The following MRPS5 variants were observed in gnomAD, a reference collection of about 807,000 sequenced individuals.
The protein encoded by MRPS5 is small ribosomal subunit protein uS5m.
A neutral mutation model predicts 51.9 loss-of-function variants in MRPS5; 27 were observed. The observed-to-expected ratio is 0.52, with a 90% CI of 0.38 to 0.72. The LOEUF (loss-of-function observed/expected upper bound fraction) is 0.72. Ranked by LOEUF, MRPS5 falls within the 30% of genes least tolerant of loss-of-function variation. The probability of loss-of-function intolerance (pLI) is 0.00; values close to 1 mark genes in which losing one functional copy is unlikely to be tolerated. For missense variants in MRPS5, 570 were observed against 545.7 expected (o/e 1.04, Z -0.44); for synonymous variants, 196 against 193.2 (o/e 1.01, Z -0.12).
At chr2:95,095,773 C>T (rs1219188995) in intron 10 of MRPS5, among the ~76,000 whole-genome samples, 1 of 152,024 alleles carries the variant, frequency 6.6e-6, no homozygotes, top group Non-Finnish European at 1.5e-5. Context: ...AAAATCGACA[C>T]CCTAACATCA....
chr2:95,088,832 G>C (rs1318967041), intron 11 of MRPS5, among the ~76,000 whole-genome samples: 1 of 152,232 alleles, frequency 6.6e-6, no homozygotes, highest in Non-Finnish European at 1.5e-5. Flanking sequence ...ACTTTGGGAG[G>C]CCAAGGCGGG....
chr2:95,115,454 T>C (rs1676258495), intron 2 of MRPS5, among the ~76,000 whole-genome samples: 1 of 152,170 alleles, frequency 6.6e-6, no homozygotes, highest in Non-Finnish European at 1.5e-5. Flanking sequence ...AGCAGATTTG[T>C]CCATACCGCA....
At chr2:95,089,909 G>A (rs1675408025) in intron 11 of MRPS5, among the ~76,000 whole-genome samples, 1 of 152,122 alleles carries the variant, frequency 6.6e-6, no homozygotes, top group African/African-American at 2.4e-5. Context: ...CGGGCGCGGT[G>A]GCTCACACCT....
intron 9 of MRPS5, 25 bp from the exon 10 acceptor site, chr2:95,100,561 A>C: frequency 6.5e-7 from 1 of 1,549,518 alleles, no homozygotes; most frequent in Non-Finnish European, 8.9e-7. Context: ...CATAAACACA[A>C]GAGGATTAGG....
rs139090433 is a variant in MRPS5 at position 95,100,732 on chromosome 2, G to C, written c.868+105C>G. ...TCACACTTCATATATTTGTAAGAAT[G>C]TAATAAGAGAGAAACACAAAGATAC... On this transcript the variant is annotated intron_variant, in intron 9 of 11. Transcript: ENST00000272418. 764 of 957,214 alleles carry C rather than the reference G, an allele frequency of 8.0e-4. 2 individuals carry two copies. The African/African-American group carries it at 9.5e-3, about 12-fold the overall frequency. The allele number at this position is 957,214 out of a possible 1,614,324, so 59.3% of individuals were successfully genotyped here.
At position 95,087,676 on chromosome 2, in the gene MRPS5, G is replaced by A; in HGVS notation, c.1069-95C>T. 14 of 992,384 alleles carry A rather than the reference G, an allele frequency of 1.4e-5. No individual in the cohort carries two copies. The Middle Eastern group carries it at 1.3e-3, about 90-fold the overall frequency. 61.5% of individuals were successfully genotyped at this position (992,384 alleles called of 1,614,324 possible). ...ACAGGCCACAACAGTACAGCCTGGGGGTATTCAAAGGCCATTTCAGTGGAT... is the reference window on the plus strand; with the variant it reads ...ACAGGCCACAACAGTACAGCCTGGGAGTATTCAAAGGCCATTTCAGTGGAT... On this transcript the variant is annotated intron_variant, in intron 11 of 11. Transcript: ENST00000272418.
intron 7 of MRPS5, 97 bp downstream of exon 7, chr2:95,104,543 C>T (rs764558452): frequency 8.4e-6 from 11 of 1,313,066 alleles, no homozygotes; most frequent in African/African-American, 5.8e-5. Flanking sequence ...GGAAAAAGTC[C>T]GGCCAGCAGC....
intron 4 of MRPS5, 94 bp downstream of exon 4, chr2:95,109,819 TAAG>T: frequency 7.2e-7 from 1 of 1,388,518 alleles, no homozygotes; most frequent in South Asian, 1.4e-5. Context: ...GTGCCCTTCA[TAAG>T]AAATGTTTTG....
intron 7 of MRPS5, chr2:95,104,254 A>T: frequency 6.0e-6 from 1 of 167,656 alleles, no homozygotes; most frequent in Non-Finnish European, 1.3e-5. Flanking sequence ...ACTTAGCATT[A>T]TTTTAAAACT....
intron 11 of MRPS5, 108 bp from the exon 12 acceptor site, chr2:95,087,689 C>A: frequency 1.1e-6 from 1 of 888,700 alleles, no homozygotes; most frequent in African/African-American, 1.7e-5. Flanking sequence ...ATTCAAAGGC[C>A]ATTTCAGTGG....
chr2:95,100,097 C>A (rs1195337950), intron 10 of MRPS5, among the ~76,000 whole-genome samples: 1 of 152,148 alleles, frequency 6.6e-6, no homozygotes, highest in Non-Finnish European at 1.5e-5. Flanking sequence ...GGCATTCAAT[C>A]AGAATTTGAT....
chr2:95,090,271 C>A, intron 11 of MRPS5, 115 bp downstream of exon 11: 3 of 917,516 alleles, frequency 3.3e-6, no homozygotes, highest in East Asian at 2.9e-5. Flanking sequence ...GAATGCCCAA[C>A]TCCTCAGGTG....
intron 10 of MRPS5, among the ~76,000 whole-genome samples, chr2:95,096,109 C>A (rs539765782): frequency 8.5e-5 from 13 of 152,298 alleles, no homozygotes; most frequent in Non-Finnish European, 1.5e-5. Flanking sequence ...TTCCTCGACA[C>A]ATACACCCTC....
chr2:95,100,812 A>G (rs542815010), intron 9 of MRPS5, 25 bp downstream of exon 9: 629 of 1,554,524 alleles, frequency 4.0e-4, no homozygotes, highest in Non-Finnish European at 5.2e-4. Flanking sequence ...GCAAATTAAA[A>G]AAAAAAAAAT....
At chr2:95,095,155 C>G (rs949002101) in intron 10 of MRPS5, among the ~76,000 whole-genome samples, 62 of 152,152 alleles carry the variant, frequency 4.1e-4, no homozygotes, top group Middle Eastern at 6.3e-3. Flanking sequence ...ATGGTAAAGG[C>G]ATCAATTCAA....
At chr2:95,098,988 G>A (rs1354151757) in intron 10 of MRPS5, among the ~76,000 whole-genome samples, 2 of 144,862 alleles carry the variant, frequency 1.4e-5, no homozygotes, top group African/African-American at 2.6e-5. Context: ...GTGATATCTC[G>A]GCTCACTGCA....
At chr2:95,101,322 T>G (rs1256896167) in intron 8 of MRPS5, among the ~76,000 whole-genome samples, 1 of 150,244 alleles carries the variant, frequency 6.7e-6, no homozygotes, top group South Asian at 2.1e-4. Context: ...AGGCGGAGGT[T>G]GCAGTGAGCC....
chr2:95,100,702 T>G, intron 9 of MRPS5, 135 bp downstream of exon 9: 1 of 894,640 alleles, frequency 1.1e-6, no homozygotes, highest in Non-Finnish European at 1.7e-6. Context: ...TTAGGAGATT[T>G]GTTTTCACAC....
At chr2:95,105,659 A>G (rs1675928849) in intron 6 of MRPS5, among the ~76,000 whole-genome samples, 1 of 152,178 alleles carries the variant, frequency 6.6e-6, no homozygotes. Context: ...AAGAAAAGGG[A>G]GCTTGAATCC....
Sources: gnomAD v4.1 joint callset for allele counts (sites outside exome capture counted in the v4.1 genomes callset) on GRCh38, gnomAD v4.1.1 for gene constraint, MANE v1.5 for transcripts, NCBI Gene and HGNC (gene_info 2026-07-23, HGNC 2026-07-21) for gene names.